UBE2E1: variants seen among roughly 807,000 people sequenced by gnomAD.
The protein encoded by UBE2E1 is ubiquitin-conjugating enzyme E2 E1.
A neutral mutation model predicts 21.4 loss-of-function variants in UBE2E1; 6 were observed. That is an observed-to-expected ratio of 0.28 (90% CI 0.15 to 0.55). The LOEUF is 0.55. Ranked by LOEUF, UBE2E1 falls within the 20% of genes least tolerant of loss-of-function variation. The pLI is 0.93. For synonymous variants in UBE2E1, 87 were observed against 82.7 expected, an observed-to-expected ratio of 1.05 and a Z score of -0.28; for missense variants, 142 against 236.5, an observed-to-expected ratio of 0.60 and a Z score of 2.62.
chr3:23,842,945 T>C lies in UBE2E1; in HGVS notation c.203+31435T>C, dbSNP rs910936599. Among the ~76,000 whole-genome samples the C allele has an allele frequency of 6.6e-6, 1 of 152,162 alleles. No homozygotes were observed. On this transcript the variant is annotated intron_variant, in intron 3 of 5. Transcript: ENST00000306627. This position sits in a 1 kb window ranked among gnomAD's most constrained non-coding sequence, Gnocchi z 4.6. The stretch of plus-strand genomic sequence containing the variant: ...TATAGTAGCATGATTATGGTAGTTA[T>C]GGTATAACTTTATACCATAAAATAT...
intron 3 of UBE2E1, among the ~76,000 whole-genome samples, chr3:23,824,131 T>A (rs537961736): frequency 2.2e-4 from 33 of 152,388 alleles, no homozygotes; most frequent in African/African-American, 6.0e-4. Context: ...TTCTACATTT[T>A]ACTGTAACTA....
intron 5 of UBE2E1, chr3:23,889,816 G>T (rs1271049067): frequency 3.1e-6 from 3 of 959,932 alleles, no homozygotes; most frequent in East Asian, 1.1e-4. Flanking sequence ...TTTGAACCCA[G>T]AAGGTCAAAG....
intron 3 of UBE2E1, among the ~76,000 whole-genome samples, chr3:23,866,779 T>G (rs1700666242): frequency 6.6e-6 from 1 of 152,246 alleles, no homozygotes; most frequent in Admixed American, 6.5e-5. Context: ...TTAAGAAATT[T>G]AAATAACACC....
rs1398649690 is a variant in UBE2E1 at position 23,876,654 on chromosome 3, G to A, written c.204-10913G>A. Among the ~76,000 whole-genome samples the A allele has an allele frequency of 2.0e-5, 3 of 151,260 alleles. No homozygotes were observed. Among genetic ancestry groups the A allele is most frequent in the Non-Finnish European group, 3.0e-5 (2 of 67,792 alleles). ...TTTTTGTTTCTTGTTTTTGTTTTTT[G>A]TCTTAATAGAGCTAGGCATTACCAG... On this transcript the variant is annotated intron_variant, in intron 3 of 5. Transcript: ENST00000306627. This position sits in a 1 kb window ranked among gnomAD's most constrained non-coding sequence, Gnocchi z 4.3.
At chr3:23,888,476 G>A (rs1701249819) in intron 4 of UBE2E1, among the ~76,000 whole-genome samples, 1 of 152,162 alleles carries the variant, frequency 6.6e-6, no homozygotes, top group South Asian at 2.1e-4. Context: ...AAAATTAAGA[G>A]ACCCAAATAA....
chr3:23,890,296 C>T (rs1009382384), intron 5 of UBE2E1, among the ~76,000 whole-genome samples: 2 of 152,092 alleles, frequency 1.3e-5, no homozygotes, highest in Non-Finnish European at 2.9e-5. Context: ...AAAGACAGAC[C>T]AGTACACTAA....
At chr3:23,825,464 C>G (rs1319906630) in intron 3 of UBE2E1, among the ~76,000 whole-genome samples, 1 of 152,210 alleles carries the variant, frequency 6.6e-6, no homozygotes, top group East Asian at 1.9e-4. Context: ...AAAAAAGACA[C>G]TGTCTCTGTG....
intron 1 of UBE2E1, 42 bp from the exon 2 acceptor site, chr3:23,807,195 G>A (rs1394867280): frequency 1.7e-5 from 25 of 1,500,824 alleles, no homozygotes; most frequent in Non-Finnish European, 2.2e-5. Context: ...TACACTGGCT[G>A]CATGGTTTGT....
In UBE2E1 at chr3:23,887,216, C is replaced by T. The variant is rs1361690041; in HGVS notation, c.204-351C>T. On this transcript the variant is annotated intron_variant, in intron 3 of 5. Transcript: ENST00000306627. This position sits in a 1 kb window ranked among gnomAD's most constrained non-coding sequence, Gnocchi z 4.4. Reference sequence around the variant, plus strand: ...GTGATGTAGCTGTGAGCAAAAACTGCTCGCATTTGTCACTAATTTCGCTTC... The same window carrying T: ...GTGATGTAGCTGTGAGCAAAAACTGTTCGCATTTGTCACTAATTTCGCTTC... 2.0e-5 allele frequency among the ~76,000 whole-genome samples: 3 copies of T among 152,194 alleles called. No homozygotes were observed. The highest frequency in any genetic ancestry group is 6.5e-5 in the Admixed American group (1 of 15,282).
chr3:23,825,281 A>G (rs1180149978), intron 3 of UBE2E1, among the ~76,000 whole-genome samples: 1 of 152,182 alleles, frequency 6.6e-6, no homozygotes, highest in Non-Finnish European at 1.5e-5. Context: ...GAGCAGTACA[A>G]ATCATTGACA....
intron 3 of UBE2E1, among the ~76,000 whole-genome samples, chr3:23,825,933 A>G (rs908243584): frequency 6.6e-6 from 1 of 152,188 alleles, no homozygotes; most frequent in African/African-American, 2.4e-5. Context: ...CCCCGCTGTT[A>G]GGAGACTGAG....
At chr3:23,872,761 G>A (rs1700831229) in intron 3 of UBE2E1, among the ~76,000 whole-genome samples, 1 of 152,240 alleles carries the variant, frequency 6.6e-6, no homozygotes, top group African/African-American at 2.4e-5. Flanking sequence ...GCTCGTGCCT[G>A]TAATTCCAGC....
At chr3:23,869,600 A>T (rs1700736801) in intron 3 of UBE2E1, among the ~76,000 whole-genome samples, 1 of 151,846 alleles carries the variant, frequency 6.6e-6, no homozygotes, top group Non-Finnish European at 1.5e-5. Flanking sequence ...TCAATAAAAG[A>T]TGTCTCATCT....
At chr3:23,820,939 G>T (rs1331544791) in intron 3 of UBE2E1, among the ~76,000 whole-genome samples, 1 of 152,182 alleles carries the variant, frequency 6.6e-6, no homozygotes, top group African/African-American at 2.4e-5. Context: ...AGTAAATAGA[G>T]TAACTTGGGA....
At chr3:23,888,966 A>AATTGATC (rs1217381092) in intron 4 of UBE2E1, 146 bp from the exon 5 acceptor site, 1 of 801,448 alleles carries the variant, frequency 1.2e-6, no homozygotes, top group Non-Finnish European at 1.9e-6. Context: ...GTATCAATGA[A>AATTGATC]CACTTTCTAA....
intron 3 of UBE2E1, among the ~76,000 whole-genome samples, chr3:23,873,634 T>C (rs1321512133): frequency 6.6e-6 from 1 of 152,022 alleles, no homozygotes; most frequent in African/African-American, 2.4e-5. Context: ...TAATCCCAGC[T>C]ACTCGGGAGG....
chr3:23,889,061 G>C (rs749987599), intron 4 of UBE2E1, 51 bp from the exon 5 acceptor site: 8 of 1,534,266 alleles, frequency 5.2e-6, no homozygotes, highest in Non-Finnish European at 7.0e-6. Context: ...TGAATATTTA[G>C]TAACAAGTTT....
At chr3:23,881,610 C>T (rs1238370171) in intron 3 of UBE2E1, among the ~76,000 whole-genome samples, 1 of 152,154 alleles carries the variant, frequency 6.6e-6, no homozygotes, top group Non-Finnish European at 1.5e-5. Flanking sequence ...TGAGATGACC[C>T]AGTTTAGAGA....
chr3:23,845,515 T>G, intron 3 of UBE2E1, among the ~76,000 whole-genome samples: 1 of 151,924 alleles, frequency 6.6e-6, no homozygotes, highest in Admixed American at 6.6e-5. Context: ...GAGGCAGTTG[T>G]TAAAAATGGA....
Sources: allele counts gnomAD v4.1 joint callset (sites outside exome capture counted in the v4.1 genomes callset), GRCh38; gene constraint gnomAD v4.1.1; non-coding constraint Gnocchi (gnomAD v3.1); transcripts MANE v1.5; gene names NCBI Gene and HGNC (gene_info 2026-07-23, HGNC 2026-07-21).